The following EMC3 variants were observed in gnomAD, a reference collection of about 807,000 sequenced individuals.
The protein encoded by EMC3 is 30 kDa protein.
In EMC3, 13 loss-of-function variants were observed where a neutral mutation model predicts 36.6. The observed-to-expected ratio is 0.35, with a 90% CI of 0.23 to 0.56. The LOEUF is 0.56. Ranked by LOEUF, EMC3 falls within the 20% of genes least tolerant of loss-of-function variation. The pLI is 0.84. For synonymous variants in EMC3, 120 were observed against 111.9 expected (o/e 1.07, Z -0.46); for missense variants, 220 against 324.5 (o/e 0.68, Z 2.47).
At position 9,974,482 on chromosome 3, in the gene EMC3, G is replaced by A; in HGVS notation, c.314C>T (p.Thr105Ile). Residue 105 changes from threonine (T) to isoleucine (I), a missense_variant, in exon 4 of 8, where the codon ACT (threonine) becomes ATT (isoleucine). By Grantham distance (89) the Thr-to-Ile change is moderately conservative. Around this residue, in one of 3 missense-constraint regions of EMC3, gnomAD observed 127 missense variants for 174.6 expected, o/e 0.73. Transcript: ENST00000245046. ...VVPPSPMTDP[T>I]MLTDMMKGNV... ...CCCTTTCATCATGTCTGTCAACATAGTAGGATCTAAGACAAAAGCACAAAC... is the reference window on the plus strand; with the variant it reads ...CCCTTTCATCATGTCTGTCAACATAATAGGATCTAAGACAAAAGCACAAAC... 1 of 1,605,654 alleles carries A rather than the reference G, an allele frequency of 6.2e-7. No individual in the cohort carries two copies. The highest frequency in any genetic ancestry group is 8.5e-7 in the Non-Finnish European group (1 of 1,172,360).
intron 5 of EMC3, among the ~76,000 whole-genome samples, chr3:9,973,340 G>A (rs1178107143): frequency 1.3e-5 from 2 of 151,558 alleles, no homozygotes; most frequent in Non-Finnish European, 2.9e-5. Flanking sequence ...GACTACAGGC[G>A]CCCGCCACCA....
At chr3:10,007,474 T>C (rs978674208) in intron 1 of EMC3, 15 of 1,367,554 alleles carry the variant, frequency 1.1e-5, no homozygotes, top group Non-Finnish European at 1.5e-5. Flanking sequence ...CTGTCTAGTG[T>C]GGCATTGGCC....
chr3:9,990,469 G>A (rs2124925253), upstream of EMC3, among the ~76,000 whole-genome samples: 1 of 151,870 alleles, frequency 6.6e-6, no homozygotes, highest in East Asian at 1.9e-4. Context: ...GGAGTAGCTG[G>A]GACTACAGGC....
chr3:9,964,237 T>C (rs1032781305), intron 7 of EMC3, 40 bp from the exon 8 acceptor site: 10 of 1,608,820 alleles, frequency 6.2e-6, no homozygotes, highest in South Asian at 4.4e-5. Flanking sequence ...AGAGAGGGAA[T>C]TGTTACTGAC....
chr3:9,963,454 G>GATATATATATATATAT lies in EMC3; in HGVS notation c.*599_*614dup, dbSNP rs1553602259. On this transcript the variant is annotated 3_prime_UTR_variant, in exon 8 of 8. Transcript: ENST00000245046. ...CGAAGACTGGGCTTCTGCTAAGATAGATATATATATATATATATATATATT... is the reference window on the plus strand; with the variant it reads ...CGAAGACTGGGCTTCTGCTAAGATAGATATATATATATATATATATATATATATATATATATATATT... 1.0e-5 allele frequency: 1 copy of GATATATATATATATAT among 99,716 alleles called. No individual in the cohort carries two copies. The highest frequency in any genetic ancestry group is 1.9e-5 in the Non-Finnish European group (1 of 51,734). 6.2% of individuals were successfully genotyped at this position (99,716 alleles called of 1,614,324 possible). A position where few individuals can be genotyped will look rare whatever the true frequency, so the allele number is the denominator to read the frequency against.
At chr3:9,991,754 A>G (rs1351124730), upstream of EMC3, among the ~76,000 whole-genome samples, 2 of 152,178 alleles carry the variant, frequency 1.3e-5, no homozygotes, top group Non-Finnish European at 2.9e-5. Context: ...AAAATAGAGT[A>G]TGGCTCAGCA....
intron 5 of EMC3, 44 bp from the exon 6 acceptor site, chr3:9,970,705 G>A: frequency 6.3e-7 from 1 of 1,598,604 alleles, no homozygotes; most frequent in Non-Finnish European, 8.6e-7. Flanking sequence ...TATTATATCA[G>A]AGAGTAATGC....
At chr3:9,975,799 G>A (rs1360003047) in intron 3 of EMC3, among the ~76,000 whole-genome samples, 8 of 135,822 alleles carry the variant, frequency 5.9e-5, no homozygotes, top group East Asian at 2.2e-4. Context: ...GTGAGAGAGC[G>A]AGACTCCTTT....
chr3:9,974,899 C>T (rs868737056), intron 3 of EMC3, among the ~76,000 whole-genome samples: 2 of 110,580 alleles, frequency 1.8e-5, no homozygotes, highest in Admixed American at 1.2e-4. Context: ...CTCACTCTAT[C>T]GCCCAGGCTG....
Position 9,973,709 on chromosome 3 carries a change from G to C in EMC3, c.413C>G (p.Thr138Ser). 6.2e-7 allele frequency: 1 copy of C among 1,613,944 alleles called. No individual in the cohort carries two copies. Among genetic ancestry groups the C allele is most frequent in the Non-Finnish European group, 8.5e-7 (1 of 1,179,808 alleles). The change falls in exon 5 of 8, where the codon ACC (threonine) becomes AGC (serine). Residue 138 changes from threonine to serine, a missense_variant and splice_region_variant. Physicochemically the swap from Thr to Ser is moderately conservative, Grantham distance 58. This residue lies in a region of EMC3 where 127 missense variants were observed against 174.6 expected (regional missense o/e 0.73). Coordinates refer to ENST00000245046, the MANE Select transcript of EMC3 (RefSeq NM_001394674.1). ...GAGGGTCAGTGGAAATGGGACCTTG[G>C]CTGCAGAGAAGAAAAAGTTCACAAT... is the stretch of plus-strand genomic sequence containing the variant. ...INMTFSGFVTTKVPFPLTLRF... is the reference protein window; with the variant it reads ...INMTFSGFVTSKVPFPLTLRF...
chr3:9,986,782 C>A lies in EMC3; in HGVS notation c.-121G>T. On this transcript the variant is annotated 5_prime_UTR_variant, in exon 1 of 8. Coordinates refer to ENST00000245046, the MANE Select transcript of EMC3 (RefSeq NM_001394674.1). Reference sequence around the variant, plus strand: ...GCCCCTTTGCCCGTGTACCCCAGAACTCTCCTGCGACTGTGAGCCGAGCTT... The same window carrying A: ...GCCCCTTTGCCCGTGTACCCCAGAAATCTCCTGCGACTGTGAGCCGAGCTT... 2 of 1,500,728 alleles carry A rather than the reference C, an allele frequency of 1.3e-6. No homozygotes were observed. Among genetic ancestry groups the A allele is most frequent in the Non-Finnish European group, 1.8e-6 (2 of 1,125,624 alleles). 93.0% of individuals were successfully genotyped at this position (1,500,728 alleles called of 1,614,324 possible).
In EMC3 at chr3:9,995,328, G is replaced by A. The variant is rs559933138; in HGVS notation, c.-241-8426C>T. ...ATCTTGTACAACCTCAACCTAAAGG[G>A]TAAAATTTAACCCATATGGGAAAAA... On this transcript the variant is annotated intron_variant, in intron 1 of 8. Coordinates refer to the EMC3 transcript ENST00000470827. Among the ~76,000 whole-genome samples, 10 of 151,960 alleles carry A rather than the reference G, an allele frequency of 6.6e-5. No homozygotes were observed. In the South Asian group the frequency reaches 2.1e-3, roughly 32 times the overall value.
chr3:9,968,845 T>G (rs1239272909), intron 7 of EMC3: 1 of 138,240 alleles, frequency 7.2e-6, no homozygotes, highest in South Asian at 2.4e-4. Context: ...TGAGACAGAG[T>G]TTTGCTCTTG....
intron 7 of EMC3, 138 bp from the exon 8 acceptor site, chr3:9,964,335 G>T: frequency 7.3e-7 from 1 of 1,376,852 alleles, no homozygotes; most frequent in East Asian, 2.6e-5. Flanking sequence ...AATCCTACAA[G>T]GGAAATGCTG....
At chr3:10,000,446 A>C (rs528502528) in intron 1 of EMC3, among the ~76,000 whole-genome samples, 1 of 152,358 alleles carries the variant, frequency 6.6e-6, no homozygotes, top group African/African-American at 2.4e-5. Flanking sequence ...CCATGTTCTG[A>C]ATTGGAATTA....
At chr3:9,982,425 T>C (rs2085921798) in intron 1 of EMC3, among the ~76,000 whole-genome samples, 1 of 152,092 alleles carries the variant, frequency 6.6e-6, no homozygotes, top group Admixed American at 6.5e-5. Flanking sequence ...GGGTTATTTT[T>C]TGTATTTCTA....
chr3:9,993,392 C>T (rs72492989), intron 1 of EMC3, among the ~76,000 whole-genome samples: 515 of 103,470 alleles, frequency 5.0e-3, no homozygotes, highest in Middle Eastern at 0.01. Context: ...GCTGGCTGAA[C>T]GTTCAGTATA....
chr3:10,008,575 TG>T, intron 1 of EMC3: 12 of 732,578 alleles, frequency 1.6e-5, no homozygotes, highest in Middle Eastern at 5.4e-4. Flanking sequence ...GGTCAGATAG[TG>T]GGGGGTGGGT....
intron 1 of EMC3, chr3:10,006,723 GC>G: frequency 3.5e-6 from 1 of 286,256 alleles, no homozygotes; most frequent in Non-Finnish European, 6.9e-6. Flanking sequence ...GTAGTGCACA[GC>G]AGAGTGACCA....
Sources: allele counts gnomAD v4.1 joint callset (sites outside exome capture counted in the v4.1 genomes callset), GRCh38; gene constraint gnomAD v4.1.1; regional missense constraint gnomAD v4.1.1; transcripts MANE v1.5; gene names NCBI Gene and HGNC (gene_info 2026-07-23, HGNC 2026-07-21).